NOTCH1: variants seen among roughly 807,000 people sequenced by gnomAD.
The protein encoded by NOTCH1 is neurogenic locus notch homolog protein 1.
In NOTCH1, 37 loss-of-function variants were observed where a neutral mutation model predicts 254.8. The observed-to-expected ratio is 0.15, with a 90% CI of 0.11 to 0.19. The LOEUF (loss-of-function observed/expected upper bound fraction) is 0.19. NOTCH1 is among the 10% of genes least tolerant of loss of function. The pLI, the probability that NOTCH1 is intolerant of heterozygous loss-of-function variation, is 1.00. For synonymous variants in NOTCH1, 1,731 were observed against 1,618.1 expected, an observed-to-expected ratio of 1.07 and a Z score of -1.68; for missense variants, 2,972 against 3,708.6, an observed-to-expected ratio of 0.80 and a Z score of 5.16.
chr9:136,539,793 G>A (rs767423938), intron 2 of NOTCH1, among the ~76,000 whole-genome samples: 1 of 152,222 alleles, frequency 6.6e-6, no homozygotes, highest in Non-Finnish European at 1.5e-5. Context: ...CGCCCAAGAC[G>A]AGGCAGGTGA....
intron 2 of NOTCH1, among the ~76,000 whole-genome samples, chr9:136,524,763 G>A (rs779221184): frequency 5.3e-5 from 8 of 149,716 alleles, no homozygotes; most frequent in African/African-American, 1.5e-4. Flanking sequence ...TCAGCCTCCC[G>A]AGTAGCTGGG....
rs749488166 is a variant in NOTCH1, at chr9:136,498,968, G to T, written c.6111C>A (p.Ala2037=). ...LGKSALHWAA[A]VNNVDAAVVL... ...CAACTGCGGCATCCACATTGTTCAC[G>T]GCGGCGGCCCAGTGCAGGGCGGACT... Residue 2037 remains alanine, a synonymous_variant, in exon 33 of 34, where the codon GCC becomes GCA. Coordinates refer to ENST00000651671, the MANE Select transcript of NOTCH1 (RefSeq NM_017617.5). 6.2e-7 allele frequency: 1 copy of T among 1,613,450 alleles called. No homozygotes were observed. Among genetic ancestry groups the T allele is most frequent in the Admixed American group, 1.7e-5 (1 of 60,012 alleles).
chr9:136,522,342 A>G, intron 4 of NOTCH1, among the ~76,000 whole-genome samples: 1 of 152,168 alleles, frequency 6.6e-6, no homozygotes, highest in East Asian at 1.9e-4. Flanking sequence ...TCAAACAAGA[A>G]CTACAGCAGA....
At chr9:136,517,136 G>T (rs1327447623) in intron 9 of NOTCH1, 136 bp downstream of exon 9, 1 of 600,776 alleles carries the variant, frequency 1.7e-6, no homozygotes, top group Non-Finnish European at 2.9e-6. Context: ...GAGGGCAGGG[G>T]GTGGGGGCGG....
Position 136,505,634 on chromosome 9 carries a change from T to G in NOTCH1, c.4262A>C (p.Asn1421Thr), listed in dbSNP as rs76473337. ...GTCCAGGATGTGGCACAAGAGCCCG[T>G]TGAATTTGGCGGGGCACAGGCAACG... Reference protein sequence around the residue: ...FYRCLCPAKFNGLLCHILDYS... With the variant: ...FYRCLCPAKFTGLLCHILDYS... The change falls in exon 25 of 34, where the codon AAC (asparagine) becomes ACC (threonine). Residue 1421 changes from asparagine (N) to threonine (T), a missense_variant. This residue lies in a region of NOTCH1 where 1,343 missense variants were observed against 1,557.0 expected (regional missense o/e 0.86). Transcript: ENST00000651671. 1 of 1,612,086 alleles carries G rather than the reference T, an allele frequency of 6.2e-7. No homozygotes were observed. Among genetic ancestry groups the G allele is most frequent in the South Asian group, 1.1e-5 (1 of 91,036 alleles).
chr9:136,507,124 C>T lies in NOTCH1; in HGVS notation c.3644-151G>A, dbSNP rs1415559135. ...CAAGGGTGCCGTGGAGACGCCCTTC[C>T]CACTGGGACCCCCGCTCTGGGCCCT... is the stretch of plus-strand genomic sequence containing the variant. On this transcript the variant is annotated intron_variant, in intron 22 of 33. Transcript: ENST00000651671. 7.6e-6 allele frequency: 11 copies of T among 1,448,344 alleles called. No homozygotes were observed. The South Asian group carries it at 1.1e-4, about 14-fold the overall frequency. 89.7% of individuals were successfully genotyped at this position (1,448,344 alleles called of 1,614,324 possible).
chr9:136,510,025 C>A, intron 17 of NOTCH1, 64 bp from the exon 18 acceptor site: 1 of 1,486,780 alleles, frequency 6.7e-7, no homozygotes, highest in Non-Finnish European at 9.3e-7. Flanking sequence ...GGGAGGGGGC[C>A]GGGAAGGCTG....
rs1200928521 is a variant in NOTCH1 at position 136,504,687 on chromosome 9, G to A, written c.5004C>T (p.Pro1668=). The change falls in exon 26 of 34, where the codon CCC becomes CCT. Residue 1668 remains proline, a synonymous_variant. Coordinates refer to ENST00000651671, the MANE Select transcript of NOTCH1 (RefSeq NM_017617.5). ...EGGRRRRELD[P]MDVRGSIVYL... ...GTCTCACTCACCCGCGGACGTCCAT[G>A]GGGTCCAGCTCCCTCCGCCGCCGCC... 1.3e-6 allele frequency: 2 copies of A among 1,522,570 alleles called. No homozygotes were observed. Among genetic ancestry groups the A allele is most frequent in the Admixed American group, 4.1e-5 (2 of 48,974 alleles). 94.3% of individuals were successfully genotyped at this position (1,522,570 alleles called of 1,614,324 possible). A position where few individuals can be genotyped will look rare whatever the true frequency, so the allele number is the denominator to read the frequency against.
intron 2 of NOTCH1, among the ~76,000 whole-genome samples, chr9:136,538,320 G>A (rs1176788459): frequency 1.3e-5 from 2 of 151,776 alleles, no homozygotes; most frequent in East Asian, 3.9e-4. Flanking sequence ...CGAGCCCAGC[G>A]CAGGCCTCGC....
chr9:136,531,546 G>A (rs539951981), intron 2 of NOTCH1, among the ~76,000 whole-genome samples: 8 of 152,304 alleles, frequency 5.3e-5, no homozygotes, highest in Admixed American at 3.3e-4. Flanking sequence ...CAGCTCCACC[G>A]AAACACAAAA....
chr9:136,545,994 G>GCCCGCGC lies in NOTCH1; in HGVS notation c.-215_-209dup, dbSNP rs560345462. Reference sequence around the variant, plus strand: ...GTTCCTTCGCTGCGCTCGCGCCCGCGCCCGCGCCCCGCGCCCCGCGCCCTT... The same window carrying GCCCGCGC: ...GTTCCTTCGCTGCGCTCGCGCCCGCGCCCGCGCCCCGCGCCCCGCGCCCCGCGCCCTT... On this transcript the variant is annotated 5_prime_UTR_variant, in exon 1 of 34. Coordinates refer to ENST00000651671, the MANE Select transcript of NOTCH1 (RefSeq NM_017617.5). This position sits in a 1 kb window ranked among gnomAD's most constrained non-coding sequence, Gnocchi z 6.8. Among the ~76,000 whole-genome samples the GCCCGCGC allele has an allele frequency of 4.1e-3, 506 of 124,370 alleles. 6 individuals are homozygous for GCCCGCGC. Among genetic ancestry groups the GCCCGCGC allele is most frequent in the African/African-American group, 0.017 (435 of 26,158 alleles). 81.6% of individuals were successfully genotyped at this position (124,370 alleles called of 152,430 possible). A position where few individuals can be genotyped will look rare whatever the true frequency, so the allele number is the denominator to read the frequency against.
Position 136,500,864 on chromosome 9 carries a change from G to A in NOTCH1, c.5639-17C>T, listed in dbSNP as rs749795813. 16 of 1,575,194 alleles carry A rather than the reference G, an allele frequency of 1.0e-5. No homozygotes were observed. The highest frequency in any genetic ancestry group is 1.8e-5 in the Admixed American group (1 of 56,224). On this transcript the variant is annotated splice_polypyrimidine_tract_variant and intron_variant, in intron 30 of 33. Transcript: ENST00000651671. ...TGAAGCCATCTGCAGAGGCAGAGAC[G>A]GGTGCTCAGTCTGGAGGGCCGGTCC...
rs1843804201 is a variant in NOTCH1 at position 136,545,624 on chromosome 9, C to G, written c.61+102G>C. On this transcript the variant is annotated intron_variant, in intron 1 of 33. Coordinates refer to ENST00000651671, the MANE Select transcript of NOTCH1 (RefSeq NM_017617.5). The surrounding 1 kb of genome is among the most constrained non-coding windows in gnomAD (Gnocchi z 6.8). Reference sequence around the variant, plus strand: ...CCCGCTTTTCCCTCTCCATGCTGGCCTCCCCGCCGCCCGCTCCCAGCCGTG... The same window carrying G: ...CCCGCTTTTCCCTCTCCATGCTGGCGTCCCCGCCGCCCGCTCCCAGCCGTG... 1.0e-6 allele frequency: 1 copy of G among 991,650 alleles called. No homozygotes were observed. Among genetic ancestry groups the G allele is most frequent in the Non-Finnish European group, 1.4e-6 (1 of 711,908 alleles). The allele number at this position is 991,650 out of a possible 1,614,324, so 61.4% of individuals were successfully genotyped here. A position where few individuals can be genotyped will look rare whatever the true frequency, so the allele number is the denominator to read the frequency against.
At chr9:136,534,061 C>T (rs1843604273) in intron 2 of NOTCH1, among the ~76,000 whole-genome samples, 1 of 152,184 alleles carries the variant, frequency 6.6e-6, no homozygotes, top group South Asian at 2.1e-4. Flanking sequence ...GGCACGAGGG[C>T]GACCGTCGGC....
Position 136,514,709 on chromosome 9 carries a change from G to C in NOTCH1, c.2015-7C>G, listed in dbSNP as rs2133361357. 6.2e-7 allele frequency: 1 copy of C among 1,611,432 alleles called. No individual in the cohort carries two copies. The highest frequency in any genetic ancestry group is 8.5e-7 in the Non-Finnish European group (1 of 1,179,458). Reference sequence around the variant, plus strand: ...TTGATGTTACACATGCTCCCTAAGGGCAGGGCGGGTCAGACTCCGAGGCCC... The same window carrying C: ...TTGATGTTACACATGCTCCCTAAGGCCAGGGCGGGTCAGACTCCGAGGCCC... On this transcript the variant is annotated splice_region_variant and splice_polypyrimidine_tract_variant and intron_variant, in intron 12 of 33. Coordinates refer to ENST00000651671, the MANE Select transcript of NOTCH1 (RefSeq NM_017617.5).
intron 2 of NOTCH1, among the ~76,000 whole-genome samples, chr9:136,542,522 G>T (rs1249127746): frequency 1.3e-5 from 2 of 148,852 alleles, no homozygotes; most frequent in Admixed American, 1.3e-4. Flanking sequence ...CTTCTGCAGA[G>T]GGAGAAGGGG....
rs1205135944 is a variant in NOTCH1, at chr9:136,506,875, C to T, written c.3742G>A (p.Val1248Met). ...CFNNGTCVDQ[V>M]GGYSCTCPPG... ...GGGCAGGTGCAGCTGTAGCCGCCCACCTGGTCCACGCAGGTGCCGTTGTTA... is the reference window on the plus strand; with the variant it reads ...GGGCAGGTGCAGCTGTAGCCGCCCATCTGGTCCACGCAGGTGCCGTTGTTA... Residue 1248 changes from valine (V) to methionine (M), a missense_variant, in exon 23 of 34, where the codon GTG (valine) becomes ATG (methionine). Transcript: ENST00000651671. This position sits in a 1 kb window ranked among gnomAD's most constrained non-coding sequence, Gnocchi z 4.5. 1 of 1,611,668 alleles carries T rather than the reference C, an allele frequency of 6.2e-7. No individual in the cohort carries two copies. The highest frequency in any genetic ancestry group is 8.5e-7 in the Non-Finnish European group (1 of 1,179,430).
At chr9:136,514,224 C>T (rs1843226751) in intron 13 of NOTCH1, among the ~76,000 whole-genome samples, 1 of 152,250 alleles carries the variant, frequency 6.6e-6, no homozygotes, top group Non-Finnish European at 1.5e-5. Context: ...ATCAGAAACA[C>T]TTGCGGCTGT....
intron 29 of NOTCH1, 23 bp downstream of exon 29, chr9:136,501,978 A>C (rs1589056350): frequency 6.2e-7 from 1 of 1,611,952 alleles, no homozygotes; most frequent in East Asian, 2.2e-5. Context: ...GGAGCCCAGG[A>C]GCCCGGGAGC....
Sources: allele counts gnomAD v4.1 joint callset (sites outside exome capture counted in the v4.1 genomes callset), GRCh38; gene constraint gnomAD v4.1.1; regional missense constraint gnomAD v4.1.1; non-coding constraint Gnocchi (gnomAD v3.1); transcripts MANE v1.5; gene names NCBI Gene and HGNC (gene_info 2026-07-23, HGNC 2026-07-21).